DMD: variants seen among roughly 807,000 people sequenced by gnomAD.
The protein encoded by DMD is dystrophin.
A neutral mutation model predicts 330.1 loss-of-function variants in DMD; 63 were observed. The ratio of observed to expected loss-of-function variants is 0.19; its 90% CI spans 0.16 to 0.24. DMD has a LOEUF of 0.24. DMD is among the 10% of genes least tolerant of loss of function. DMD has a pLI of 1.00. For missense variants in DMD, 3,344 were observed against 2,684.1 expected (o/e 1.25, Z -5.43); for synonymous variants, 1,223 against 959.8 (o/e 1.27, Z -5.07).
At chrX:31,772,173 TAGCAGTA>T (rs758906993) in intron 51 of DMD, among the ~76,000 whole-genome samples, 3 of 112,519 alleles carry the variant, frequency 2.7e-5, no homozygotes, top group Admixed American at 1.9e-4. Flanking sequence ...TGTTCAATAC[TAGCAGTA>T]AGCAGTAAGC....
chrX:31,325,685 T>A (rs147952920), intron 61 of DMD, among the ~76,000 whole-genome samples: 1 of 111,234 alleles, frequency 9.0e-6, no homozygotes, highest in South Asian at 3.8e-4. Flanking sequence ...TCTGTTGTTA[T>A]GGAAATATTA....
In DMD at chrX:33,009,468, G is replaced by GTATGTA. The variant is rs2093559822; in HGVS notation, c.93+10670_93+10671insTACATA. Reference sequence around the variant, plus strand: ...TATGTATGTATGTGTATACACATATGTGTGTATGTGTATACACATGTGTGT... The same window carrying GTATGTA: ...TATGTATGTATGTGTATACACATATGTATGTATGTGTATGTGTATACACATGTGTGT... On this transcript the variant is annotated intron_variant, in intron 2 of 78. Coordinates refer to ENST00000357033, the MANE Select transcript of DMD (RefSeq NM_004006.3). Among the ~76,000 whole-genome samples the GTATGTA allele has an allele frequency of 2.4e-5, 2 of 81,765 alleles. 1 individual carries two copies. The highest frequency in any genetic ancestry group is 1.2e-4 in the African/African-American group (2 of 16,611). The allele number at this position is 81,765 out of a possible 115,157, so 71.0% of individuals were successfully genotyped here. A position where few individuals can be genotyped will look rare whatever the true frequency, so the allele number is the denominator to read the frequency against.
intron 44 of DMD, among the ~76,000 whole-genome samples, chrX:31,983,092 A>G (rs1470587272): frequency 9.1e-6 from 1 of 110,111 alleles, no homozygotes; most frequent in Non-Finnish European, 1.9e-5. Flanking sequence ...ATATCTTATA[A>G]ACATGCTGCC....
chrX:31,483,569 C>A (rs2068551098), intron 57 of DMD, among the ~76,000 whole-genome samples: 1 of 111,852 alleles, frequency 8.9e-6, no homozygotes, highest in Non-Finnish European at 1.9e-5. Flanking sequence ...AAATATGAGT[C>A]ATTGAAGATT....
chrX:32,607,171 G>C (rs2056795111), intron 12 of DMD, among the ~76,000 whole-genome samples: 1 of 110,072 alleles, frequency 9.1e-6, no homozygotes, highest in Non-Finnish European at 1.9e-5. Flanking sequence ...CTTATTACTA[G>C]AGTTAAATGA....
intron 45 of DMD, among the ~76,000 whole-genome samples, chrX:31,966,040 C>T (rs2095348002): frequency 9.0e-6 from 1 of 111,381 alleles, no homozygotes; most frequent in Non-Finnish European, 1.9e-5. Context: ...ATTGATGTCC[C>T]TGGACTAAAA....
At chrX:32,838,057 T>C (rs2079814391) in intron 4 of DMD, among the ~76,000 whole-genome samples, 1 of 112,017 alleles carries the variant, frequency 8.9e-6, no homozygotes, top group African/African-American at 3.2e-5. Flanking sequence ...AATCTTTTGC[T>C]GTTAAATATG....
At chrX:31,861,736 TACACACACACACACAC>T (rs753295784) in intron 48 of DMD, among the ~76,000 whole-genome samples, 2 of 76,879 alleles carry the variant, frequency 2.6e-5, no homozygotes, top group African/African-American at 5.2e-5. Context: ...AAGAGTGCTA[TACACACACACACACAC>T]ACACACACAC....
chrX:31,798,034 G>A (rs2091906563), intron 50 of DMD, among the ~76,000 whole-genome samples: 1 of 111,949 alleles, frequency 8.9e-6, no homozygotes, highest in African/African-American at 3.2e-5. Flanking sequence ...TCTTTTATAG[G>A]TGGAAATAGT....
At chrX:31,771,350 T>C (rs1320264702) in intron 51 of DMD, among the ~76,000 whole-genome samples, 1 of 110,155 alleles carries the variant, frequency 9.1e-6, no homozygotes, top group Non-Finnish European at 1.9e-5. Context: ...GAAGGGAGAT[T>C]AGATTTTTTT....
chrX:32,314,517 C>T (rs750749253), intron 41 of DMD, among the ~76,000 whole-genome samples: 1 of 111,328 alleles, frequency 9.0e-6, no homozygotes, highest in African/African-American at 3.3e-5. Context: ...ACACCAAAAG[C>T]AACAGCAACA....
rs188838628 is a variant in DMD, at chrX:32,044,008, A to G, written c.6439-75494T>C. 5.8e-3 allele frequency among the ~76,000 whole-genome samples: 655 copies of G among 112,163 alleles called. 6 individuals carry two copies. Among genetic ancestry groups the G allele is most frequent in the African/African-American group, 0.02 (618 of 30,855 alleles). On this transcript the variant is annotated intron_variant, in intron 44 of 78. Coordinates refer to ENST00000357033, the MANE Select transcript of DMD (RefSeq NM_004006.3). ...GGTCTTCCTATGGCATGGCAACATT[A>G]AAGTCCTCACTAAGCAACATGTTAT...
At chrX:31,671,164 G>A (rs1457783150) in intron 53 of DMD, among the ~76,000 whole-genome samples, 1 of 111,594 alleles carries the variant, frequency 9.0e-6, no homozygotes. Context: ...CAACTGCCTC[G>A]GCCTCCCAAA....
At chrX:33,278,858 C>T (rs1490543332) in intron 1 of DMD, among the ~76,000 whole-genome samples, 1 of 111,413 alleles carries the variant, frequency 9.0e-6, no homozygotes, top group Non-Finnish European at 1.9e-5. Context: ...TGTAATTCAA[C>T]AAGAAAATTT....
intron 1 of DMD, among the ~76,000 whole-genome samples, chrX:33,047,570 AC>A (rs1382720071): frequency 5.4e-5 from 6 of 112,106 alleles, no homozygotes; most frequent in Non-Finnish European, 1.1e-4. Context: ...AGAAATAAAA[AC>A]AAAAATTAAA....
chrX:33,279,654 C>T (rs1432081190), intron 1 of DMD, among the ~76,000 whole-genome samples: 1 of 111,194 alleles, frequency 9.0e-6, no homozygotes, highest in Non-Finnish European at 1.9e-5. Flanking sequence ...TCCAGTGTGG[C>T]TATACCATTT....
intron 1 of DMD, among the ~76,000 whole-genome samples, chrX:33,188,642 T>A (rs1273608712): frequency 1.8e-5 from 2 of 111,732 alleles, no homozygotes; most frequent in Non-Finnish European, 3.8e-5. Context: ...AGATGCCAAT[T>A]TTTGTTTGCT....
intron 2 of DMD, among the ~76,000 whole-genome samples, chrX:32,869,542 C>G (rs1036990299): frequency 5.8e-5 from 6 of 103,129 alleles, no homozygotes; most frequent in Non-Finnish European, 9.9e-5. Context: ...AATTATCAGT[C>G]TAGAGAGTAA....
intron 55 of DMD, among the ~76,000 whole-genome samples, chrX:31,587,065 T>C (rs2076643937): frequency 8.9e-6 from 1 of 111,876 alleles, no homozygotes; most frequent in Admixed American, 9.5e-5. Flanking sequence ...ATATAAAAAT[T>C]TGATACCTTT....
Sources: allele counts gnomAD v4.1 joint callset (sites outside exome capture counted in the v4.1 genomes callset), GRCh38; gene constraint gnomAD v4.1.1; transcripts MANE v1.5; gene names NCBI Gene and HGNC (gene_info 2026-07-23, HGNC 2026-07-21).